PAM: variants seen among roughly 807,000 people sequenced by gnomAD.
PAM encodes the protein peptidylglycine alpha-amidating monooxygenase, also known as peptidyl-glycine alpha-amidating monooxygenase.
PAM carries 72 observed loss-of-function variants against 122.1 expected under a neutral mutation model. The observed-to-expected ratio is 0.59, with a 90% CI of 0.49 to 0.72. The LOEUF is 0.72. PAM is among the 30% of genes least tolerant of loss of function. The pLI is 0.00. For missense variants in PAM, 1,106 were observed against 1,183.7 expected (o/e 0.93, Z 0.96); for synonymous variants, 389 against 404.4 (o/e 0.96, Z 0.46).
intron 7 of PAM, among the ~76,000 whole-genome samples, chr5:102,936,194 T>C (rs892111295): frequency 3.3e-5 from 5 of 152,152 alleles, no homozygotes; most frequent in African/African-American, 1.2e-4. Flanking sequence ...TGTTGGTAGC[T>C]TGAAATTGGC....
chr5:102,796,801 G>A (rs1238766449), intron 1 of PAM, among the ~76,000 whole-genome samples: 1 of 152,072 alleles, frequency 6.6e-6, no homozygotes, highest in East Asian at 1.9e-4. Context: ...TTGTGCCTTG[G>A]TTTTCTTATT....
At chr5:102,878,144 A>G (rs1455729054) in intron 3 of PAM, among the ~76,000 whole-genome samples, 1 of 152,180 alleles carries the variant, frequency 6.6e-6, no homozygotes, top group Non-Finnish European at 1.5e-5. Context: ...TATTTGGTGT[A>G]TCAAATAGAT....
At chr5:102,900,259 GGGGGGC>G (rs1469560147) in intron 3 of PAM, among the ~76,000 whole-genome samples, 4 of 124,654 alleles carry the variant, frequency 3.2e-5, no homozygotes, top group African/African-American at 1.2e-4. Context: ...GTGTGTGGGG[GGGGGGC>G]GGGGGGAAGA....
intron 1 of PAM, among the ~76,000 whole-genome samples, chr5:102,828,836 G>T (rs1774465777): frequency 6.6e-6 from 1 of 151,326 alleles, no homozygotes; most frequent in Non-Finnish European, 1.5e-5. Context: ...CTCCAAAGTA[G>T]TAGAATACAG....
intron 20 of PAM, among the ~76,000 whole-genome samples, chr5:103,009,354 A>G (rs1340833360): frequency 6.6e-6 from 1 of 152,142 alleles, no homozygotes; most frequent in Non-Finnish European, 1.5e-5. Context: ...AGCTATGGCA[A>G]ATATTACTTA....
intron 7 of PAM, among the ~76,000 whole-genome samples, chr5:102,938,549 A>G (rs964140296): frequency 5.3e-5 from 8 of 152,094 alleles, no homozygotes; most frequent in Non-Finnish European, 1.2e-4. Flanking sequence ...ATTTACATTT[A>G]GTTCTTCTAG....
intron 3 of PAM, among the ~76,000 whole-genome samples, chr5:102,871,965 A>AT (rs1787666926): frequency 6.6e-6 from 1 of 152,044 alleles, no homozygotes; most frequent in Non-Finnish European, 1.5e-5. Context: ...AAACTAAATG[A>AT]TTTTACCAAA....
intron 1 of PAM, among the ~76,000 whole-genome samples, chr5:102,776,729 T>A (rs534057418): frequency 1.3e-5 from 2 of 152,272 alleles, no homozygotes; most frequent in South Asian, 4.1e-4. Flanking sequence ...TTCTTCACAT[T>A]GTTCTGCAGA....
chr5:102,803,141 G>C lies in PAM; in HGVS notation c.-374+47793G>C, dbSNP rs958523443. Among the ~76,000 whole-genome samples the C allele has an allele frequency of 4.0e-4, 48 of 121,240 alleles. 1 individual carries two copies. The highest frequency in any genetic ancestry group is 1.1e-3 in the African/African-American group (33 of 29,388). 79.5% of individuals were successfully genotyped at this position (121,240 alleles called of 152,430 possible). ...CTGTGTCCAAAAAAAAAGAAAGAAA[G>C]AAAGAAAGGAAGGAAGGAAGGAAGG... On this transcript the variant is annotated intron_variant, in intron 1 of 25. Coordinates refer to ENST00000438793, the MANE Select transcript of PAM (RefSeq NM_001177306.2).
chr5:102,770,116 T>A (rs1755309452), intron 1 of PAM, among the ~76,000 whole-genome samples: 1 of 152,114 alleles, frequency 6.6e-6, no homozygotes, highest in Admixed American at 6.6e-5. Context: ...ATTTGTGGCT[T>A]TTTTAATAGG....
intron 21 of PAM, among the ~76,000 whole-genome samples, 169 bp downstream of exon 21, chr5:103,010,035 T>G (rs1250646560): frequency 1.3e-5 from 2 of 152,166 alleles, no homozygotes; most frequent in Admixed American, 1.3e-4. Flanking sequence ...ATTTTATATT[T>G]TATTTAGAAT....
At chr5:102,778,865 GT>G (rs1377394475) in intron 1 of PAM, among the ~76,000 whole-genome samples, 1 of 152,130 alleles carries the variant, frequency 6.6e-6, no homozygotes, top group African/African-American at 2.4e-5. Context: ...TTACCCGTTT[GT>G]GTTTTTGGAG....
intron 1 of PAM, among the ~76,000 whole-genome samples, chr5:102,821,782 G>A (rs927835676): frequency 3.3e-5 from 5 of 152,128 alleles, no homozygotes; most frequent in East Asian, 1.9e-4. Flanking sequence ...CCAGATTACC[G>A]CACAGTAGAT....
rs749290965 is a variant in PAM, at chr5:102,901,342, C to CT, written c.211-6dup. On this transcript the variant is annotated splice_polypyrimidine_tract_variant and intron_variant, in intron 3 of 25. Transcript: ENST00000438793. ...AACAGTTTAATTTGGATTTTTTAAT[C>CT]TTTTTTTTAATAGTCCGATACATAC... 1.1e-4 allele frequency: 163 copies of CT among 1,507,172 alleles called. No homozygotes were observed. The highest frequency in any genetic ancestry group is 3.9e-4 in the East Asian group (17 of 44,012). 93.4% of individuals were successfully genotyped at this position (1,507,172 alleles called of 1,614,324 possible).
chr5:102,920,255 G>A (rs1051020913), intron 5 of PAM, among the ~76,000 whole-genome samples: 1 of 152,042 alleles, frequency 6.6e-6, no homozygotes, highest in Non-Finnish European at 1.5e-5. Flanking sequence ...TGTCTGGCAT[G>A]TAGAAGGGAT....
At chr5:102,915,803 T>G (rs1233440677) in intron 5 of PAM, among the ~76,000 whole-genome samples, 2 of 152,104 alleles carry the variant, frequency 1.3e-5, no homozygotes, top group Non-Finnish European at 2.9e-5. Context: ...TAGGAAAAAT[T>G]ATCTAAAATG....
intron 15 of PAM, among the ~76,000 whole-genome samples, chr5:102,986,208 G>T (rs938779467): frequency 6.6e-6 from 1 of 152,072 alleles, no homozygotes; most frequent in African/African-American, 2.4e-5. Flanking sequence ...TTCCTATTCC[G>T]CATAGTACTA....
chr5:102,810,652 GA>G (rs1396704301), intron 1 of PAM, among the ~76,000 whole-genome samples: 1 of 151,644 alleles, frequency 6.6e-6, no homozygotes, highest in Non-Finnish European at 1.5e-5. Flanking sequence ...CCAACATGGA[GA>G]ACCCGTCTGT....
chr5:102,963,652 C>G (rs1442337756), intron 14 of PAM, among the ~76,000 whole-genome samples: 12 of 151,692 alleles, frequency 7.9e-5, no homozygotes, highest in Non-Finnish European at 1.8e-4. Context: ...GATGTGAAAC[C>G]CCTGTAGAAA....
Sources: gnomAD v4.1 joint callset for allele counts (sites outside exome capture counted in the v4.1 genomes callset) on GRCh38, gnomAD v4.1.1 for gene constraint, MANE v1.5 for transcripts, NCBI Gene and HGNC (gene_info 2026-07-23, HGNC 2026-07-21) for gene names.